The following ZPBP variants were observed in gnomAD, a reference collection of about 807,000 sequenced individuals.
The protein encoded by ZPBP is zona pellucida-binding protein 1.
In ZPBP, 26 loss-of-function variants were observed where a neutral mutation model predicts 44.8. The observed-to-expected ratio is 0.58, with a 90% CI of 0.43 to 0.81. ZPBP has a LOEUF of 0.81. Among genes scored for constraint, ZPBP ranks in the 30% least tolerant of loss-of-function variants. The probability of loss-of-function intolerance (pLI) is 0.00; values close to 1 mark genes in which losing one functional copy is unlikely to be tolerated. For missense variants in ZPBP, 409 were observed against 434.0 expected, an observed-to-expected ratio of 0.94 and a Z score of 0.51; for synonymous variants, 174 against 153.2, an observed-to-expected ratio of 1.14 and a Z score of -1.00.
At chr7:49,946,202 T>C (rs1441042493) in intron 7 of ZPBP, among the ~76,000 whole-genome samples, 4 of 152,176 alleles carry the variant, frequency 2.6e-5, no homozygotes, top group African/African-American at 9.6e-5. Flanking sequence ...ATTATTTTTA[T>C]AGGTTCATCT....
chr7:49,930,496 A>T (rs943712572), intron 1 of ZPBP, among the ~76,000 whole-genome samples: 1 of 152,236 alleles, frequency 6.6e-6, no homozygotes, highest in African/African-American at 2.4e-5. Context: ...TTACATGAGG[A>T]AAGTTAAACC....
chr7:49,851,421 G>A (rs375734078), intron 2 of ZPBP, among the ~76,000 whole-genome samples: 1 of 152,102 alleles, frequency 6.6e-6, no homozygotes, highest in Non-Finnish European at 1.5e-5. Flanking sequence ...CATAGCAGAC[G>A]GGCACTTAAG....
chr7:49,984,569 A>T (rs985018609), intron 6 of ZPBP, among the ~76,000 whole-genome samples: 3 of 152,136 alleles, frequency 2.0e-5, no homozygotes, highest in Non-Finnish European at 4.4e-5. Context: ...CGTGCCACCT[A>T]GATCCCTTCC....
chr7:49,885,978 AG>A (rs1389138801), intron 2 of ZPBP, among the ~76,000 whole-genome samples: 8 of 152,258 alleles, frequency 5.3e-5, no homozygotes, highest in African/African-American at 1.9e-4. Flanking sequence ...GGAGAAAATC[AG>A]TTACATTTTT....
At chr7:49,911,319 TA>T (rs1187160462) in intron 1 of ZPBP, among the ~76,000 whole-genome samples, 1 of 150,748 alleles carries the variant, frequency 6.6e-6, no homozygotes, top group Non-Finnish European at 1.5e-5. Context: ...CAATCTCTAC[TA>T]AAAATACAAA....
intron 3 of ZPBP, among the ~76,000 whole-genome samples, chr7:50,065,594 G>A (rs1045867193): frequency 3.3e-5 from 5 of 150,866 alleles, no homozygotes; most frequent in African/African-American, 4.9e-5. Context: ...TGGGTTAGGT[G>A]AAGTGAAGTG....
At position 49,974,392 on chromosome 7, in the gene ZPBP, T is replaced by C. The variant is rs182502753; in HGVS notation, c.961+8950A>G. On this transcript the variant is annotated intron_variant, in intron 7 of 7. Transcript: ENST00000046087. ...ATAATTAAAAGGCAGGCCTGGAACATGTTATGATGCCATAAAGTGAGAAAC... is the reference window on the plus strand; with the variant it reads ...ATAATTAAAAGGCAGGCCTGGAACACGTTATGATGCCATAAAGTGAGAAAC... 1.4e-3 allele frequency among the ~76,000 whole-genome samples: 215 copies of C among 152,232 alleles called. 1 individual carries two copies. The highest frequency in any genetic ancestry group is 3.5e-3 in the Admixed American group (53 of 15,286).
rs114621728 is a variant in ZPBP, at chr7:49,882,405, C to T, written n.509+18713G>A. Among the ~76,000 whole-genome samples, 1,187 of 152,204 alleles carry T rather than the reference C, an allele frequency of 7.8e-3. 14 individuals carry two copies. The highest frequency in any genetic ancestry group is 0.027 in the African/African-American group (1,135 of 41,544). On this transcript the variant is annotated intron_variant and non_coding_transcript_variant, in intron 2 of 2. Transcript: ENST00000465922. ...AAACCATCCACTGTCTTTATTTTGT[C>T]TTCTCTTTTAGTCTTTTTCCATATA...
intron 1 of ZPBP, among the ~76,000 whole-genome samples, chr7:49,908,509 A>G (rs1360248925): frequency 6.6e-6 from 1 of 152,200 alleles, no homozygotes; most frequent in Admixed American, 6.5e-5. Context: ...ATCTAAGAGG[A>G]AAATTTTTGA....
intron 4 of ZPBP, among the ~76,000 whole-genome samples, chr7:50,048,541 T>C (rs1388188044): frequency 6.6e-6 from 1 of 151,918 alleles, no homozygotes; most frequent in African/African-American, 2.4e-5. Context: ...ACAAAAGAAA[T>C]TTGAAAAACT....
At chr7:50,071,639 A>C (rs1427316729) in intron 3 of ZPBP, among the ~76,000 whole-genome samples, 2 of 152,126 alleles carry the variant, frequency 1.3e-5, no homozygotes, top group Admixed American at 1.3e-4. Flanking sequence ...AGGAAAGGAA[A>C]GAGTGGGGAG....
At chr7:50,018,395 G>A in intron 5 of ZPBP, 79 bp from the exon 6 acceptor site, 1 of 1,145,992 alleles carries the variant, frequency 8.7e-7, no homozygotes, top group African/African-American at 1.5e-5. Context: ...AAAAATGAAA[G>A]GATATTCTAA....
chr7:50,018,384 G>T, intron 5 of ZPBP, 68 bp from the exon 6 acceptor site: 2 of 1,221,028 alleles, frequency 1.6e-6, no homozygotes, highest in South Asian at 1.3e-5. Context: ...ATTGGATTTT[G>T]AAAAATGAAA....
intron 2 of ZPBP, among the ~76,000 whole-genome samples, chr7:50,089,382 T>C (rs1365049116): frequency 6.6e-6 from 1 of 152,048 alleles, no homozygotes; most frequent in Non-Finnish European, 1.5e-5. Context: ...ATAATAAAAA[T>C]CCACACAGGC....
intron 2 of ZPBP, among the ~76,000 whole-genome samples, chr7:49,852,980 C>G (rs1376710122): frequency 1.3e-5 from 2 of 152,336 alleles, no homozygotes. Context: ...CACCACAGTT[C>G]TACTCCAGTC....
chr7:50,031,474 T>G (rs1799605986), intron 4 of ZPBP, among the ~76,000 whole-genome samples, 164 bp from the exon 5 acceptor site: 1 of 152,224 alleles, frequency 6.6e-6, no homozygotes, highest in African/African-American at 2.4e-5. Flanking sequence ...TTGCAGTTAC[T>G]AAGTACCAAA....
chr7:49,930,883 T>G (rs1794421647), intron 1 of ZPBP, among the ~76,000 whole-genome samples: 1 of 152,256 alleles, frequency 6.6e-6, no homozygotes, highest in Admixed American at 6.5e-5. Flanking sequence ...TACGTCCCAC[T>G]TAAATCTCAC....
chr7:50,087,817 T>C (rs1428826927), intron 2 of ZPBP, among the ~76,000 whole-genome samples: 1 of 151,968 alleles, frequency 6.6e-6, no homozygotes, highest in Non-Finnish European at 1.5e-5. Flanking sequence ...CCCAAGTTCA[T>C]AGATTGAAAG....
In ZPBP at chr7:50,044,488, C is replaced by A. The variant is rs530597686; in HGVS notation, c.488-13178G>T. 2.6e-5 allele frequency among the ~76,000 whole-genome samples: 4 copies of A among 152,186 alleles called. No homozygotes were observed. In the East Asian group the frequency reaches 7.7e-4, roughly 29 times the overall value. ...AATAAAAAAATAATAAAGGGGATATCAACATTGATCCCACAGAAATACAAA... is the reference window on the plus strand; with the variant it reads ...AATAAAAAAATAATAAAGGGGATATAAACATTGATCCCACAGAAATACAAA... On this transcript the variant is annotated intron_variant, in intron 4 of 7. Coordinates refer to ENST00000046087, the MANE Select transcript of ZPBP (RefSeq NM_007009.3).
Sources: gnomAD v4.1 joint callset for allele counts (sites outside exome capture counted in the v4.1 genomes callset) on GRCh38, gnomAD v4.1.1 for gene constraint, MANE v1.5 for transcripts, NCBI Gene and HGNC (gene_info 2026-07-23, HGNC 2026-07-21) for gene names.